The following LHFPL6 variants were observed in gnomAD, a reference collection of about 807,000 sequenced individuals.
LHFPL6 encodes the protein LHFPL tetraspan subfamily member 6, also known as LHFPL tetraspan subfamily member 6 protein.
LHFPL6 carries 9 observed loss-of-function variants against 20.6 expected under a neutral mutation model. The observed-to-expected ratio is 0.44, with a 90% CI of 0.26 to 0.76. The LOEUF (loss-of-function observed/expected upper bound fraction) is 0.76, where lower values mean the gene tolerates loss of function less well. LHFPL6 is among the 30% of genes least tolerant of loss of function. The pLI is 0.20. For synonymous variants in LHFPL6, 105 were observed against 98.7 expected (o/e 1.06, Z -0.38); for missense variants, 218 against 253.5 (o/e 0.86, Z 0.95).
intron 2 of LHFPL6, among the ~76,000 whole-genome samples, chr13:39,457,674 G>T (rs925007972): frequency 6.6e-6 from 1 of 152,186 alleles, no homozygotes; most frequent in African/African-American, 2.4e-5. Context: ...TGTGGTAAAG[G>T]GAGAAGGTGA....
intron 2 of LHFPL6, among the ~76,000 whole-genome samples, chr13:39,508,423 AG>A (rs575631853): frequency 1.8e-3 from 279 of 152,344 alleles, no homozygotes; most frequent in Non-Finnish European, 3.4e-3. Context: ...TAAGATAATA[AG>A]TATATCTATT....
intron 3 of LHFPL6, among the ~76,000 whole-genome samples, chr13:39,369,750 C>T (rs1870119241): frequency 6.6e-6 from 1 of 151,838 alleles, no homozygotes; most frequent in Admixed American, 6.6e-5. Context: ...ACTTTTGTTG[C>T]CTAGAATGTG....
At chr13:39,591,380 A>G (rs1872587083) in intron 2 of LHFPL6, among the ~76,000 whole-genome samples, 4 of 152,312 alleles carry the variant, frequency 2.6e-5, no homozygotes, top group African/African-American at 7.2e-5. Flanking sequence ...AAAATATTTC[A>G]TTCTTTTTTA....
At chr13:39,544,780 G>A (rs1870923550) in intron 2 of LHFPL6, among the ~76,000 whole-genome samples, 1 of 152,046 alleles carries the variant, frequency 6.6e-6, no homozygotes, top group African/African-American at 2.4e-5. Flanking sequence ...GAACTGGATG[G>A]CAAAAACTGT....
chr13:39,567,386 G>A (rs1052641797), intron 2 of LHFPL6, among the ~76,000 whole-genome samples: 6 of 151,994 alleles, frequency 3.9e-5, no homozygotes, highest in African/African-American at 1.2e-4. Context: ...TTCATATTAC[G>A]AAGACTATAA....
chr13:39,596,212 G>A (rs1348134491), intron 2 of LHFPL6, among the ~76,000 whole-genome samples: 1 of 152,058 alleles, frequency 6.6e-6, no homozygotes, highest in Non-Finnish European at 1.5e-5. Context: ...TAAGAGAAAT[G>A]GAACAAGAAT....
chr13:39,353,174 TG>T (rs1256442784), intron 3 of LHFPL6, among the ~76,000 whole-genome samples: 1 of 150,510 alleles, frequency 6.6e-6, no homozygotes, highest in African/African-American at 2.4e-5. Flanking sequence ...GTAGAGATGA[TG>T]GGGTTTCACC....
chr13:39,589,343 G>A (rs985135015), intron 2 of LHFPL6, among the ~76,000 whole-genome samples: 1 of 152,106 alleles, frequency 6.6e-6, no homozygotes, highest in Non-Finnish European at 1.5e-5. Context: ...CTGACCTCAC[G>A]ATCTGCCCAC....
At position 39,352,825 on chromosome 13, in the gene LHFPL6, A is replaced by ATATATATGTGTATATATATATAAATG. The variant is rs1566091485; in HGVS notation, c.485-8772_485-8771insCATTTATATATATATACACATATATA. On this transcript the variant is annotated intron_variant, in intron 3 of 3. Transcript: ENST00000379589. ...CAGTAGAAAGAGGGAAAACATTTAT[A>ATATATATGTGTATATATATATAAATG]TATATATATGTGTATATATATATAA... Among the ~76,000 whole-genome samples, 98 of 77,118 alleles carry ATATATATGTGTATATATATATAAATG rather than the reference A, an allele frequency of 1.3e-3. 12 individuals are homozygous for ATATATATGTGTATATATATATAAATG. Among genetic ancestry groups the ATATATATGTGTATATATATATAAATG allele is most frequent in the African/African-American group, 1.8e-3 (42 of 23,476 alleles). 50.6% of individuals were successfully genotyped at this position (77,118 alleles called of 152,430 possible). A position where few individuals can be genotyped will look rare whatever the true frequency, so the allele number is the denominator to read the frequency against.
At chr13:39,435,717 C>G (rs1445571237) in intron 2 of LHFPL6, among the ~76,000 whole-genome samples, 2 of 152,070 alleles carry the variant, frequency 1.3e-5, no homozygotes, top group Non-Finnish European at 2.9e-5. Flanking sequence ...GAAACAATTA[C>G]CTGTCAAGTT....
intron 3 of LHFPL6, among the ~76,000 whole-genome samples, chr13:39,375,692 A>G (rs1870276214): frequency 6.9e-6 from 1 of 144,168 alleles, no homozygotes; most frequent in Admixed American, 6.7e-5. Context: ...TTTGTCTCAA[A>G]AAAAAAAAAA....
chr13:39,429,183 AC>A (rs1332257541), intron 2 of LHFPL6, among the ~76,000 whole-genome samples: 1 of 147,302 alleles, frequency 6.8e-6, no homozygotes, highest in Non-Finnish European at 1.5e-5. Flanking sequence ...GCATATCCTT[AC>A]TGTTTTTTTT....
chr13:39,589,139 G>C (rs1414747519), intron 2 of LHFPL6, among the ~76,000 whole-genome samples: 2 of 152,042 alleles, frequency 1.3e-5, no homozygotes, highest in East Asian at 3.9e-4. Context: ...TTTTGAGATA[G>C]AGTCTTGCCC....
At chr13:39,562,581 C>CATATAT (rs1566142179) in intron 2 of LHFPL6, among the ~76,000 whole-genome samples, 1 of 127,504 alleles carries the variant, frequency 7.8e-6, no homozygotes, top group Admixed American at 8.2e-5. Context: ...TACATATATA[C>CATATAT]ACATATATAC....
At chr13:39,476,030 T>C (rs139584461) in intron 2 of LHFPL6, among the ~76,000 whole-genome samples, 95 of 152,362 alleles carry the variant, frequency 6.2e-4, no homozygotes, top group Non-Finnish European at 1.2e-3. Flanking sequence ...AGTAATTTTT[T>C]TTGTTATTTC....
chr13:39,514,815 GATTGACGTAGAAACTTTA>G (rs1333096234), intron 2 of LHFPL6, among the ~76,000 whole-genome samples: 1 of 152,202 alleles, frequency 6.6e-6, no homozygotes, highest in African/African-American at 2.4e-5. Context: ...CCAAGGACAT[GATTGACGTAGAAACTTTA>G]ATTCCAGCCA....
chr13:39,575,082 A>G (rs1463270905), intron 2 of LHFPL6, among the ~76,000 whole-genome samples: 2 of 152,036 alleles, frequency 1.3e-5, no homozygotes, highest in East Asian at 3.9e-4. Context: ...AAAAAAAAAA[A>G]TACAGGTGGG....
chr13:39,600,417 T>G (rs1356284868), intron 2 of LHFPL6, among the ~76,000 whole-genome samples: 1 of 152,252 alleles, frequency 6.6e-6, no homozygotes, highest in Non-Finnish European at 1.5e-5. Context: ...ATAACAATGT[T>G]GAATCAAAAA....
chr13:39,407,385 C>T (rs905403032), intron 2 of LHFPL6, among the ~76,000 whole-genome samples: 7 of 152,300 alleles, frequency 4.6e-5, no homozygotes, highest in African/African-American at 1.4e-4. Flanking sequence ...CACCTTGATG[C>T]AGGCTAAGGC....
Sources: gnomAD v4.1 joint callset for allele counts (sites outside exome capture counted in the v4.1 genomes callset) on GRCh38, gnomAD v4.1.1 for gene constraint, MANE v1.5 for transcripts, NCBI Gene and HGNC (gene_info 2026-07-23, HGNC 2026-07-21) for gene names.